The following ATP6V1C2 variants were observed in gnomAD, a reference collection of about 807,000 sequenced individuals.
ATP6V1C2 encodes V-type proton ATPase subunit C 2.
Under a neutral mutation model 56.8 loss-of-function variants are expected in ATP6V1C2, and 45 were observed. The ratio of observed to expected loss-of-function variants is 0.79; its 90% confidence interval spans 0.62 to 1.02. The LOEUF (loss-of-function observed/expected upper bound fraction) is 1.02, where lower values mean the gene tolerates loss of function less well. ATP6V1C2 is among the 50% of genes least tolerant of loss of function. The pLI, the probability that ATP6V1C2 is intolerant of heterozygous loss-of-function variation, is 0.00. For missense variants in ATP6V1C2, 463 were observed against 519.7 expected (o/e 0.89, Z 1.06); for synonymous variants, 220 against 201.3 (o/e 1.09, Z -0.79).
At chr2:10,783,124 A>G (rs1264859434) in intron 13 of ATP6V1C2, 50 bp from the exon 14 acceptor site, 1 of 1,447,902 alleles carries the variant, frequency 6.9e-7, no homozygotes, top group Non-Finnish European at 9.7e-7. Flanking sequence ...AAAGGATAAG[A>G]CAGGAAACTA....
At chr2:10,730,415 C>T (rs932590751) in intron 3 of ATP6V1C2, among the ~76,000 whole-genome samples, 1 of 151,928 alleles carries the variant, frequency 6.6e-6, no homozygotes, top group Non-Finnish European at 1.5e-5. Context: ...TGTGCCTGGC[C>T]ACTTTGAGGA....
Position 10,763,101 on chromosome 2 carries a change from C to T in ATP6V1C2, c.284-1230C>T, listed in dbSNP as rs528884473. On this transcript the variant is annotated intron_variant, in intron 4 of 13. Transcript: ENST00000272238. The surrounding 1 kb of genome is among the most constrained non-coding windows in gnomAD (Gnocchi z 4.2). The stretch of plus-strand genomic sequence containing the variant: ...GGCGGGATCTAGTGTTGTTTTGGCA[C>T]GTGGTGAAGTGCAGACATGACCCTT... 2.6e-5 allele frequency among the ~76,000 whole-genome samples: 4 copies of T among 152,240 alleles called. No individual in the cohort carries two copies. The South Asian group carries it at 6.2e-4, about 24-fold the overall frequency.
chr2:10,725,643 T>TGCC (rs1262552440), intron 2 of ATP6V1C2, among the ~76,000 whole-genome samples: 6 of 151,100 alleles, frequency 4.0e-5, no homozygotes, highest in African/African-American at 1.5e-4. Flanking sequence ...TACGGGCACA[T>TGCC]GCCACCATGC....
chr2:10,736,801 C>CTTTTTTTTTTTT lies in ATP6V1C2; in HGVS notation c.197+10240_197+10251dup, dbSNP rs35166388. On this transcript the variant is annotated intron_variant, in intron 3 of 13. Transcript: ENST00000272238. The stretch of plus-strand genomic sequence containing the variant: ...CATTATTTTTTTCCTAGATATTGTG[C>CTTTTTTTTTTTT]TTTTTTTTTTTTTTTTTTTCTGACA... Among the ~76,000 whole-genome samples the CTTTTTTTTTTTT allele has an allele frequency of 2.9e-5, 3 of 102,654 alleles. 1 individual carries two copies. The highest frequency in any genetic ancestry group is 2.1e-5 in the Non-Finnish European group (1 of 47,176). 67.3% of individuals were successfully genotyped at this position (102,654 alleles called of 152,430 possible).
intron 3 of ATP6V1C2, among the ~76,000 whole-genome samples, chr2:10,746,558 G>T (rs149745068): frequency 6.6e-6 from 1 of 151,786 alleles, no homozygotes; most frequent in South Asian, 2.1e-4. Context: ...GATTACAGGC[G>T]CCCACCAGCA....
intron 2 of ATP6V1C2, among the ~76,000 whole-genome samples, chr2:10,726,199 A>G (rs928108331): frequency 3.3e-5 from 5 of 152,220 alleles, no homozygotes; most frequent in African/African-American, 1.2e-4. Context: ...GGGGATTAAC[A>G]ACATGACTGA....
rs549890568 is a variant in ATP6V1C2, at chr2:10,784,999, G to A, written c.*1736G>A. 3.2e-6 allele frequency: 5 copies of A among 1,585,574 alleles called. No homozygotes were observed. Among genetic ancestry groups the A allele is most frequent in the East Asian group, 4.6e-5 (2 of 43,742 alleles). On this transcript the variant is annotated 3_prime_UTR_variant, in exon 14 of 14. Transcript: ENST00000272238. ...GTAGGGAAAGCCCCGCCTCCTACAGGTGCCGTGGAGCCACGCCCAAAAGAG... is the reference window on the plus strand; with the variant it reads ...GTAGGGAAAGCCCCGCCTCCTACAGATGCCGTGGAGCCACGCCCAAAAGAG...
chr2:10,770,511 A>C (rs1318390952), intron 6 of ATP6V1C2, among the ~76,000 whole-genome samples: 1 of 152,228 alleles, frequency 6.6e-6, no homozygotes, highest in Non-Finnish European at 1.5e-5. Context: ...GCGCCGGGGC[A>C]GAGAGCCCTA....
At position 10,771,861 on chromosome 2, in the gene ATP6V1C2, CTGAG is replaced by C; in HGVS notation, c.497_500del (p.Ser166IlefsTer3). On this transcript the variant is annotated frameshift_variant, in exon 7 of 14. Transcript: ENST00000272238. LOFTEE classifies it high-confidence loss of function. The stretch of plus-strand genomic sequence containing the variant: ...TAGGGGGAACCTCTTCACCCGGACA[CTGAG>C]TGATATTGTGAGCAAAGAGGACTTC... The C allele has an allele frequency of 3.7e-6, 6 of 1,614,106 alleles. No homozygotes were observed. The highest frequency in any genetic ancestry group is 5.1e-6 in the Non-Finnish European group (6 of 1,179,980).
At chr2:10,734,945 C>T (rs1356879306) in intron 3 of ATP6V1C2, among the ~76,000 whole-genome samples, 1 of 152,022 alleles carries the variant, frequency 6.6e-6, no homozygotes, top group East Asian at 1.9e-4. Flanking sequence ...ATTAGCCAGG[C>T]ATGGTGGGGT....
chr2:10,734,611 A>G (rs13393244), intron 3 of ATP6V1C2, among the ~76,000 whole-genome samples: 4,446 of 152,142 alleles, frequency 0.029, 213 homozygotes, highest in African/African-American at 0.1. Context: ...AAGATCCTAG[A>G]AAGACAAAGG....
chr2:10,774,298 C>G (rs1442857930), intron 8 of ATP6V1C2, among the ~76,000 whole-genome samples: 1 of 151,890 alleles, frequency 6.6e-6, no homozygotes, highest in Admixed American at 6.6e-5. Context: ...AGACTCCTGG[C>G]CCCAAGAATT....
chr2:10,764,801 C>T (rs558693971), intron 5 of ATP6V1C2, among the ~76,000 whole-genome samples: 26 of 152,322 alleles, frequency 1.7e-4, no homozygotes, highest in Admixed American at 1.3e-3. Context: ...GAAACCCTGT[C>T]TCTACTAAAA....
intron 11 of ATP6V1C2, among the ~76,000 whole-genome samples, chr2:10,777,932 A>AGGGCGCCTCTCCCC (rs938391142): frequency 2.1e-5 from 3 of 142,820 alleles, no homozygotes; most frequent in African/African-American, 7.4e-5. Flanking sequence ...CTTGTCGGCC[A>AGGGCGCCTCTCCCC]GGGCGCCTCT....
At chr2:10,753,850 C>A in intron 3 of ATP6V1C2, 131 bp from the exon 4 acceptor site, 3 of 772,332 alleles carry the variant, frequency 3.9e-6, no homozygotes, top group Non-Finnish European at 6.5e-6. Flanking sequence ...GGCATTTTAA[C>A]CCTCTTCATA....
intron 13 of ATP6V1C2, among the ~76,000 whole-genome samples, chr2:10,782,628 G>A (rs1223330995): frequency 3.3e-5 from 5 of 151,776 alleles, no homozygotes; most frequent in Admixed American, 2.6e-4. Flanking sequence ...GTCAAGAGAT[G>A]GAGACCAACC....
chr2:10,735,593 T>A (rs1205359542), intron 3 of ATP6V1C2, among the ~76,000 whole-genome samples: 1 of 151,918 alleles, frequency 6.6e-6, no homozygotes, highest in African/African-American at 2.4e-5. Flanking sequence ...GTCTTTTTTT[T>A]TTTTTTCTCT....
intron 3 of ATP6V1C2, among the ~76,000 whole-genome samples, chr2:10,740,364 G>A (rs1484849896): frequency 2.0e-5 from 3 of 152,130 alleles, no homozygotes; most frequent in Non-Finnish European, 4.4e-5. Context: ...GTGTGACTGC[G>A]CTGTTCCTGG....
At chr2:10,736,341 G>A (rs575036441) in intron 3 of ATP6V1C2, among the ~76,000 whole-genome samples, 1 of 152,314 alleles carries the variant, frequency 6.6e-6, no homozygotes, top group African/African-American at 2.4e-5. Context: ...TTTCAGTACT[G>A]TTGCTCTGTT....
Sources: allele counts gnomAD v4.1 joint callset (sites outside exome capture counted in the v4.1 genomes callset), GRCh38; gene constraint gnomAD v4.1.1; non-coding constraint Gnocchi (gnomAD v3.1); transcripts MANE v1.5; gene names NCBI Gene and HGNC (gene_info 2026-07-23, HGNC 2026-07-21).